SAMD4A: variants seen among roughly 807,000 people sequenced by gnomAD.
The protein encoded by SAMD4A is protein Smaug homolog 1.
Under a neutral mutation model 81.3 loss-of-function variants are expected in SAMD4A, and 33 were observed. The observed-to-expected ratio is 0.41, with a 90% CI of 0.31 to 0.54. The LOEUF is 0.54. Among genes scored for constraint, SAMD4A ranks in the 20% least tolerant of loss-of-function variants. The pLI, the probability that SAMD4A is intolerant of heterozygous loss-of-function variation, is 0.37. For missense variants in SAMD4A, 854 were observed against 951.1 expected, an observed-to-expected ratio of 0.90 and a Z score of 1.34; for synonymous variants, 389 against 382.1, an observed-to-expected ratio of 1.02 and a Z score of -0.21.
In SAMD4A at chr14:54,694,397, CAAGGTTTTGACCTG is replaced by C. The variant is rs552535613; in HGVS notation, c.197-7663_197-7650del. 195 of 153,790 alleles carry C rather than the reference CAAGGTTTTGACCTG, an allele frequency of 1.3e-3. No individual in the cohort carries two copies. In the Middle Eastern group the frequency reaches 0.013, roughly 10 times the overall value. 9.5% of individuals were successfully genotyped at this position (153,790 alleles called of 1,614,324 possible). On this transcript the variant is annotated intron_variant, in intron 2 of 12. Transcript: ENST00000554335. ...TGAGAGAAAGGAGTCAAGGATACTC[CAAGGTTTTGACCTG>C]AGCAATTGGAAAGATGGAAAGCCAT...
intron 2 of SAMD4A, among the ~76,000 whole-genome samples, chr14:54,622,384 G>C (rs770712944): frequency 2.6e-5 from 4 of 152,194 alleles, no homozygotes; most frequent in Non-Finnish European, 4.4e-5. Context: ...GTAGGATTAT[G>C]ATGGGCCTCA....
chr14:54,688,203 ATTT>A, intron 2 of SAMD4A: 1 of 985,412 alleles, frequency 1.0e-6, no homozygotes, highest in African/African-American at 1.7e-5. Context: ...AATCAAGAGA[ATTT>A]TGCTCCTGTT....
chr14:54,789,891 C>T lies in SAMD4A; in HGVS notation c.*947C>T, dbSNP rs1011981460. 1.3e-5 allele frequency: 2 copies of T among 152,166 alleles called. No homozygotes were observed. The highest frequency in any genetic ancestry group is 2.4e-5 in the African/African-American group (1 of 41,416). 9.4% of individuals were successfully genotyped at this position (152,166 alleles called of 1,614,324 possible). ...TCATGTGATCAGTTATGGGTTTGCT[C>T]GCAGGGCACCCAGAGATTCTCAAAG... On this transcript the variant is annotated 3_prime_UTR_variant, in exon 13 of 13. Transcript: ENST00000554335.
intron 2 of SAMD4A, among the ~76,000 whole-genome samples, chr14:54,671,994 C>G (rs185867286): frequency 1.4e-5 from 2 of 145,476 alleles, no homozygotes; most frequent in Admixed American, 7.0e-5. Flanking sequence ...TTACCCCCAT[C>G]TACTGCTTCC....
intron 2 of SAMD4A, among the ~76,000 whole-genome samples, chr14:54,628,758 G>A (rs994400589): frequency 1.3e-5 from 2 of 152,194 alleles, no homozygotes; most frequent in Admixed American, 1.3e-4. Flanking sequence ...TTAATGAACT[G>A]CCTCAAAGTT....
chr14:54,639,555 G>A (rs1298818926), intron 2 of SAMD4A, among the ~76,000 whole-genome samples: 1 of 152,202 alleles, frequency 6.6e-6, no homozygotes, highest in African/African-American at 2.4e-5. Context: ...TGCAGCACTG[G>A]CAGCCCAGGT....
At chr14:54,648,233 G>T (rs906806282) in intron 2 of SAMD4A, among the ~76,000 whole-genome samples, 1 of 152,208 alleles carries the variant, frequency 6.6e-6, no homozygotes, top group Non-Finnish European at 1.5e-5. Context: ...AGCTGGAAGA[G>T]GTGTGGGGTT....
intron 2 of SAMD4A, among the ~76,000 whole-genome samples, chr14:54,649,418 C>A (rs1281648171): frequency 6.6e-6 from 1 of 152,154 alleles, no homozygotes; most frequent in Non-Finnish European, 1.5e-5. Flanking sequence ...GTCGTTGAAG[C>A]TGCAAAGCTA....
chr14:54,611,755 T>C (rs1189026056), intron 2 of SAMD4A, among the ~76,000 whole-genome samples: 1 of 151,902 alleles, frequency 6.6e-6, no homozygotes, highest in Non-Finnish European at 1.5e-5. Flanking sequence ...CAAATGCCTG[T>C]AATCCCAGCT....
At chr14:54,757,202 A>T (rs2038262009) in intron 6 of SAMD4A, among the ~76,000 whole-genome samples, 1 of 152,178 alleles carries the variant, frequency 6.6e-6, no homozygotes, top group Admixed American at 6.5e-5. Context: ...CCTGATGATC[A>T]CAGTGCCATG....
intron 2 of SAMD4A, among the ~76,000 whole-genome samples, chr14:54,588,628 A>G (rs1251888119): frequency 6.6e-6 from 1 of 152,176 alleles, no homozygotes; most frequent in Non-Finnish European, 1.5e-5. Flanking sequence ...TGTTAAAAAC[A>G]AACAAAAGAA....
chr14:54,691,228 G>A (rs1214213135), intron 2 of SAMD4A, among the ~76,000 whole-genome samples: 1 of 152,150 alleles, frequency 6.6e-6, no homozygotes, highest in African/African-American at 2.4e-5. Flanking sequence ...CTAGATGGCA[G>A]CATGCTTGCA....
intron 2 of SAMD4A, among the ~76,000 whole-genome samples, chr14:54,619,819 C>A (rs894525147): frequency 6.6e-6 from 1 of 152,146 alleles, no homozygotes; most frequent in Admixed American, 6.5e-5. Flanking sequence ...AGGACATGAT[C>A]TTGTTCTTTT....
chr14:54,728,712 G>A (rs2037486040), intron 3 of SAMD4A, among the ~76,000 whole-genome samples: 1 of 151,954 alleles, frequency 6.6e-6, no homozygotes, highest in East Asian at 1.9e-4. Context: ...AATTAGTCAG[G>A]GCTACATAAT....
At chr14:54,568,846 T>C (rs2033043959) in intron 2 of SAMD4A, among the ~76,000 whole-genome samples, 1 of 151,250 alleles carries the variant, frequency 6.6e-6, no homozygotes, top group South Asian at 2.1e-4. Flanking sequence ...TACTTAATGC[T>C]TTTCGTTAGG....
intron 5 of SAMD4A, 87 bp from the exon 6 acceptor site, chr14:54,751,364 A>ATAT (rs2038097864): frequency 4.7e-6 from 4 of 843,186 alleles, no homozygotes; most frequent in Non-Finnish European, 7.6e-6. Context: ...CAAAGAAGAC[A>ATAT]GTAAAAGCCT....
intron 2 of SAMD4A, among the ~76,000 whole-genome samples, chr14:54,618,215 G>A (rs569716035): frequency 2.9e-4 from 44 of 152,202 alleles, no homozygotes; most frequent in African/African-American, 1.0e-3. Flanking sequence ...TGCTGGAGCC[G>A]CCTCCCACCA....
chr14:54,612,770 G>A (rs1034580572), intron 2 of SAMD4A, among the ~76,000 whole-genome samples: 7 of 152,276 alleles, frequency 4.6e-5, no homozygotes, highest in Admixed American at 1.3e-4. Flanking sequence ...ATAGAAGATG[G>A]GGTGGGAAGA....
intron 6 of SAMD4A, among the ~76,000 whole-genome samples, chr14:54,759,577 C>G (rs140488610): frequency 2.7e-4 from 41 of 152,352 alleles, no homozygotes; most frequent in Middle Eastern, 3.4e-3. Context: ...GGCAATGAGG[C>G]AGCCACGATA....
Sources: allele counts gnomAD v4.1 joint callset (sites outside exome capture counted in the v4.1 genomes callset), GRCh38; gene constraint gnomAD v4.1.1; transcripts MANE v1.5; gene names NCBI Gene and HGNC (gene_info 2026-07-23, HGNC 2026-07-21).